Variants in KIAA1958 observed in about 807,000 individuals in gnomAD.
KIAA1958 encodes the protein KIAA1958.
A neutral mutation model predicts 47.2 loss-of-function variants in KIAA1958; 14 were observed. The ratio of observed to expected loss-of-function variants is 0.30; its 90% CI spans 0.20 to 0.46. KIAA1958 has a LOEUF of 0.46. KIAA1958 is among the 20% of genes least tolerant of loss of function. KIAA1958 has a pLI of 1.00. For missense variants in KIAA1958, 803 were observed against 909.2 expected, an observed-to-expected ratio of 0.88 and a Z score of 1.50; for synonymous variants, 354 against 353.3, an observed-to-expected ratio of 1.00 and a Z score of -0.02.
intron 2 of KIAA1958, among the ~76,000 whole-genome samples, chr9:112,606,323 G>A (rs1328845223): frequency 6.6e-6 from 1 of 152,090 alleles, no homozygotes; most frequent in Non-Finnish European, 1.5e-5. Flanking sequence ...TCTGCTGCCT[G>A]CCCATTAAAA....
chr9:112,533,947 G>A (rs1161900940), intron 1 of KIAA1958, among the ~76,000 whole-genome samples: 2 of 152,144 alleles, frequency 1.3e-5, no homozygotes, highest in East Asian at 3.9e-4. Context: ...GAATTGCTGG[G>A]TCTGTGAGTA....
intron 2 of KIAA1958, among the ~76,000 whole-genome samples, chr9:112,577,963 G>T (rs1466007819): frequency 6.6e-6 from 1 of 152,074 alleles, no homozygotes; most frequent in Non-Finnish European, 1.5e-5. Flanking sequence ...GTTTGGCTTG[G>T]AGGTAAACCT....
chr9:112,570,906 A>G (rs1427441524), intron 1 of KIAA1958, among the ~76,000 whole-genome samples: 1 of 152,258 alleles, frequency 6.6e-6, no homozygotes, highest in East Asian at 1.9e-4. Flanking sequence ...TCTCAGCCTG[A>G]GGCTGAAAGG....
chr9:112,506,320 T>G (rs1834234317), intron 1 of KIAA1958, among the ~76,000 whole-genome samples: 1 of 151,974 alleles, frequency 6.6e-6, no homozygotes, highest in Non-Finnish European at 1.5e-5. Flanking sequence ...GCTGGGCGTG[T>G]TGGCGGGCGC....
At chr9:112,624,254 C>T (rs1212533522) in intron 2 of KIAA1958, among the ~76,000 whole-genome samples, 1 of 152,210 alleles carries the variant, frequency 6.6e-6, no homozygotes, top group African/African-American at 2.4e-5. Context: ...TGTCTCTGTA[C>T]ATCTACCATA....
At chr9:112,623,966 ATTTTCT>A (rs1284626186) in intron 2 of KIAA1958, among the ~76,000 whole-genome samples, 1 of 152,136 alleles carries the variant, frequency 6.6e-6, no homozygotes, top group African/African-American at 2.4e-5. Context: ...CTTCTGACTG[ATTTTCT>A]TTATCTATAG....
intron 1 of KIAA1958, among the ~76,000 whole-genome samples, chr9:112,495,890 A>G (rs1234038717): frequency 1.3e-5 from 2 of 152,198 alleles, no homozygotes; most frequent in Non-Finnish European, 2.9e-5. Context: ...TCTGGGGAAT[A>G]ATGCCCTGAG....
chr9:112,630,875 T>G (rs1177781146), intron 2 of KIAA1958, among the ~76,000 whole-genome samples: 3 of 152,230 alleles, frequency 2.0e-5, no homozygotes, highest in African/African-American at 4.8e-5. Flanking sequence ...TGATGATAGA[T>G]TATATAAAAT....
intron 1 of KIAA1958, among the ~76,000 whole-genome samples, chr9:112,519,284 G>A (rs1406874204): frequency 6.6e-6 from 1 of 152,010 alleles, no homozygotes; most frequent in Non-Finnish European, 1.5e-5. Flanking sequence ...TGAAACATGT[G>A]TTTTTACTAA....
rs150873924 is a variant in KIAA1958 at position 112,583,893 on chromosome 9, C to T, written c.1171+8642C>T. Among the ~76,000 whole-genome samples the T allele has an allele frequency of 5.1e-3, 780 of 152,120 alleles. 10 individuals are homozygous for T. Among genetic ancestry groups the T allele is most frequent in the African/African-American group, 0.017 (704 of 41,490 alleles). ...ACTGTATCTATAATTTTTTAAAATA[C>T]GTATGTAATATATATAGCAAAATGT... On this transcript the variant is annotated intron_variant, in intron 2 of 3. Transcript: ENST00000337530.
At chr9:112,603,347 C>CT in intron 2 of KIAA1958, among the ~76,000 whole-genome samples, 1 of 152,146 alleles carries the variant, frequency 6.6e-6, no homozygotes, top group African/African-American at 2.4e-5. Flanking sequence ...ATTGGTCTAG[C>CT]TTTATTCCCC....
intron 1 of KIAA1958, among the ~76,000 whole-genome samples, chr9:112,537,074 C>T (rs1335461271): frequency 1.3e-5 from 2 of 151,398 alleles, no homozygotes; most frequent in Admixed American, 1.3e-4. Flanking sequence ...CCTCCCCTCC[C>T]CTCCCCTCCC....
chr9:112,572,003 G>A (rs1051777620), intron 1 of KIAA1958, among the ~76,000 whole-genome samples: 8 of 151,474 alleles, frequency 5.3e-5, no homozygotes, highest in African/African-American at 1.9e-4. Context: ...CGTAGTCCTG[G>A]CATTGTAGGC....
At chr9:112,626,882 C>T (rs1304310552) in intron 2 of KIAA1958, among the ~76,000 whole-genome samples, 1 of 149,676 alleles carries the variant, frequency 6.7e-6, no homozygotes, top group Non-Finnish European at 1.5e-5. Context: ...GTGTAATATT[C>T]AGTGATGTTG....
chr9:112,623,918 T>A (rs1053075435), intron 2 of KIAA1958, among the ~76,000 whole-genome samples: 1 of 152,198 alleles, frequency 6.6e-6, no homozygotes, highest in African/African-American at 2.4e-5. Flanking sequence ...TATCTGCAGT[T>A]TAATGTGAGA....
At chr9:112,650,848 G>A (rs1330677298) in intron 3 of KIAA1958, among the ~76,000 whole-genome samples, 1 of 152,184 alleles carries the variant, frequency 6.6e-6, no homozygotes, top group Non-Finnish European at 1.5e-5. Flanking sequence ...ATGGGAGAAA[G>A]ATATACTATG....
chr9:112,571,028 CA>C (rs1468714506), intron 1 of KIAA1958, among the ~76,000 whole-genome samples: 1 of 152,176 alleles, frequency 6.6e-6, no homozygotes, highest in Non-Finnish European at 1.5e-5. Flanking sequence ...AGAGAGAGAA[CA>C]ATTCACCTTC....
intron 1 of KIAA1958, among the ~76,000 whole-genome samples, chr9:112,493,503 A>G (rs189800498): frequency 6.6e-6 from 1 of 152,268 alleles, no homozygotes; most frequent in African/African-American, 2.4e-5. Flanking sequence ...CATTTTCCAT[A>G]CATAATCAAG....
At chr9:112,587,654 G>C (rs1272570520) in intron 2 of KIAA1958, among the ~76,000 whole-genome samples, 1 of 152,026 alleles carries the variant, frequency 6.6e-6, no homozygotes, top group Non-Finnish European at 1.5e-5. Context: ...AAATGGATAG[G>C]ATTGCTTTCT....
Sources: allele counts gnomAD v4.1 joint callset (sites outside exome capture counted in the v4.1 genomes callset), GRCh38; gene constraint gnomAD v4.1.1; transcripts MANE v1.5; gene names NCBI Gene and HGNC (gene_info 2026-07-23, HGNC 2026-07-21).